The following FBH1 variants were observed in gnomAD, a reference collection of about 807,000 sequenced individuals.
The protein encoded by FBH1 is DNA 3'-5' helicase 1.
Under a neutral mutation model 115.5 loss-of-function variants are expected in FBH1, and 43 were observed. That is an observed-to-expected ratio of 0.37 (90% CI 0.29 to 0.48). The LOEUF is 0.48. Ranked by LOEUF, FBH1 falls within the 20% of genes least tolerant of loss-of-function variation. FBH1 has a pLI of 0.99. For synonymous variants in FBH1, 524 were observed against 507.8 expected, an observed-to-expected ratio of 1.03 and a Z score of -0.43; for missense variants, 1,001 against 1,337.3, an observed-to-expected ratio of 0.75 and a Z score of 3.92.
chr10:5,890,854 C>G (rs1284025846), intron 1 of FBH1, among the ~76,000 whole-genome samples: 3 of 152,164 alleles, frequency 2.0e-5, no homozygotes, highest in African/African-American at 7.2e-5. Context: ...GCTGGGCAGG[C>G]TGTGGGTGAT....
rs1224413330 is a variant in FBH1 at position 5,921,444 on chromosome 10, A to G, written c.2201-4A>G. 9.3e-6 allele frequency: 15 copies of G among 1,607,176 alleles called. No homozygotes were observed. The highest frequency in any genetic ancestry group is 1.3e-5 in the Non-Finnish European group (15 of 1,177,958). On this transcript the variant is annotated splice_polypyrimidine_tract_variant and splice_region_variant and intron_variant, in intron 14 of 20. Transcript: ENST00000362091. This position sits in a 1 kb window ranked among gnomAD's most constrained non-coding sequence, Gnocchi z 6.4. ...GCCATAGAGTTTGTGCTCTCTCCCT[A>G]AAGGTGGCATTAGAGGTGACGCAAA...
chr10:5,927,560 A>C lies in FBH1; in HGVS notation c.2829+19A>C. 6.3e-7 allele frequency: 1 copy of C among 1,593,274 alleles called. No homozygotes were observed. The highest frequency in any genetic ancestry group is 8.6e-7 in the Non-Finnish European group (1 of 1,163,304). ...GGCTGGGGTAAGCAGAACGGGCAGC[A>C]TGAGCTAACTTGATGCCATTGAATG... On this transcript the variant is annotated intron_variant, in intron 19 of 20. Transcript: ENST00000362091.
chr10:5,895,180 C>G lies in FBH1; in HGVS notation c.1+4834C>G, dbSNP rs770334474. Reference sequence around the variant, plus strand: ...CCCACTTGCTGGTCTTCACAGAGCACGCTGAAAGTAAGAGGCATGTGGGAA... The same window carrying G: ...CCCACTTGCTGGTCTTCACAGAGCAGGCTGAAAGTAAGAGGCATGTGGGAA... On this transcript the variant is annotated intron_variant, in intron 1 of 20. Transcript: ENST00000362091. The surrounding 1 kb of genome is among the most constrained non-coding windows in gnomAD (Gnocchi z 5.0). 5 of 1,612,212 alleles carry G rather than the reference C, an allele frequency of 3.1e-6. No individual in the cohort carries two copies. The highest frequency in any genetic ancestry group is 1.7e-6 in the Non-Finnish European group (2 of 1,178,950).
Position 5,910,895 on chromosome 10 carries a change from G to C in FBH1, c.1021-43G>C. The C allele has an allele frequency of 6.4e-7, 1 of 1,553,244 alleles. No individual in the cohort carries two copies. The highest frequency in any genetic ancestry group is 8.7e-7 in the Non-Finnish European group (1 of 1,145,370). On this transcript the variant is annotated intron_variant, in intron 5 of 20. Transcript: ENST00000362091. The surrounding 1 kb of genome is among the most constrained non-coding windows in gnomAD (Gnocchi z 4.8). Reference sequence around the variant, plus strand: ...TCCTGCTGTGATTCGTATTAACCATGGCCTGTGGGCTGTCCCTCCCTCCCT... The same window carrying C: ...TCCTGCTGTGATTCGTATTAACCATCGCCTGTGGGCTGTCCCTCCCTCCCT...
In FBH1 at chr10:5,906,705, A is replaced by T. The variant is rs968314531; in HGVS notation, c.753+73A>T. 8.0e-7 allele frequency: 1 copy of T among 1,248,252 alleles called. No homozygotes were observed. The highest frequency in any genetic ancestry group is 2.1e-5 in the Admixed American group (1 of 47,018). The allele number at this position is 1,248,252 out of a possible 1,614,324, so 77.3% of individuals were successfully genotyped here. A position where few individuals can be genotyped will look rare whatever the true frequency, so the allele number is the denominator to read the frequency against. On this transcript the variant is annotated intron_variant, in intron 3 of 20. Coordinates refer to ENST00000362091, the MANE Select transcript of FBH1 (RefSeq NM_178150.3). This position sits in a 1 kb window ranked among gnomAD's most constrained non-coding sequence, Gnocchi z 7.3. ...CTTTGCTTAATGCACGCTTATAATC[A>T]GAGGATCTTTTCAGAAATGGTTTCC...
intron 18 of FBH1, among the ~76,000 whole-genome samples, 162 bp from the exon 19 acceptor site, chr10:5,927,273 G>A (rs764095314): frequency 4.9e-4 from 74 of 152,192 alleles, no homozygotes; most frequent in Admixed American, 2.0e-3. Context: ...TTTGTTTTTG[G>A]AATTGGCATT....
In FBH1 at chr10:5,914,199, A is replaced by C; in HGVS notation, c.1326A>C (p.Thr442=). ...VWPGKKTIQL[T]HEQQLILNHK... ...ATAGCAAGAAAACCATCCAACTTAC[A>C]CATGAACAACAGCTGATTCTGAATC... Residue 442 remains threonine (T), a synonymous_variant, in exon 8 of 21, where the codon ACA becomes ACC. Transcript: ENST00000362091. The surrounding 1 kb of genome is among the most constrained non-coding windows in gnomAD (Gnocchi z 5.2). 6.2e-7 allele frequency: 1 copy of C among 1,614,240 alleles called. No individual in the cohort carries two copies. Among genetic ancestry groups the C allele is most frequent in the Non-Finnish European group, 8.5e-7 (1 of 1,180,036 alleles).
intron 15 of FBH1, among the ~76,000 whole-genome samples, chr10:5,922,820 G>A (rs567087049): frequency 1.3e-5 from 2 of 152,340 alleles, no homozygotes; most frequent in South Asian, 4.1e-4. Context: ...ACAGGGCACA[G>A]TCAGGCTGTC....
Position 5,918,199 on chromosome 10 carries a change from G to A in FBH1, c.1964-143G>A, listed in dbSNP as rs1832090951. The stretch of plus-strand genomic sequence containing the variant: ...CATTATAAAATGGCTGCTTTTGATG[G>A]AGTGTGCCTGTCCTACAGGAAAAGG... On this transcript the variant is annotated intron_variant, in intron 12 of 20. Transcript: ENST00000362091. This position sits in a 1 kb window ranked among gnomAD's most constrained non-coding sequence, Gnocchi z 4.0. The A allele has an allele frequency of 5.8e-6, 5 of 861,786 alleles. No individual in the cohort carries two copies. The highest frequency in any genetic ancestry group is 1.7e-5 in the South Asian group (1 of 59,670). The allele number at this position is 861,786 out of a possible 1,614,324, so 53.4% of individuals were successfully genotyped here.
At chr10:5,922,550 C>A (rs1832375922) in intron 15 of FBH1, among the ~76,000 whole-genome samples, 1 of 152,230 alleles carries the variant, frequency 6.6e-6, no homozygotes, top group Non-Finnish European at 1.5e-5. Flanking sequence ...AAGTGGTTCT[C>A]TACACCTCTC....
In FBH1 at chr10:5,910,248, C is replaced by T. The variant is rs1468109635; in HGVS notation, c.1021-690C>T. On this transcript the variant is annotated intron_variant, in intron 5 of 20. Transcript: ENST00000362091. This position sits in a 1 kb window ranked among gnomAD's most constrained non-coding sequence, Gnocchi z 4.8. ...GGTGAGCTGAGATCGCGCCACTGCACTCCAGCCTGTGTGACAGAGTCAGAC... is the reference window on the plus strand; with the variant it reads ...GGTGAGCTGAGATCGCGCCACTGCATTCCAGCCTGTGTGACAGAGTCAGAC... Among the ~76,000 whole-genome samples the T allele has an allele frequency of 6.6e-6, 1 of 151,500 alleles. No homozygotes were observed.
At position 5,913,702 on chromosome 10, in the gene FBH1, T is replaced by C; in HGVS notation, c.1212-45T>C. Reference sequence around the variant, plus strand: ...CTGAGGAAAAATAAGATGCAGATTGTGACTTGAATTTGAGACTTTCTAAAT... The same window carrying C: ...CTGAGGAAAAATAAGATGCAGATTGCGACTTGAATTTGAGACTTTCTAAAT... On this transcript the variant is annotated intron_variant, in intron 6 of 20. Transcript: ENST00000362091. The surrounding 1 kb of genome is among the most constrained non-coding windows in gnomAD (Gnocchi z 4.4). 1 of 1,361,452 alleles carries C rather than the reference T, an allele frequency of 7.3e-7. No homozygotes were observed. The highest frequency in any genetic ancestry group is 1.0e-6 in the Non-Finnish European group (1 of 999,614). 84.3% of individuals were successfully genotyped at this position (1,361,452 alleles called of 1,614,324 possible). A position where few individuals can be genotyped will look rare whatever the true frequency, so the allele number is the denominator to read the frequency against.
Position 5,916,312 on chromosome 10 carries a change from T to TGA in FBH1, c.1645_1646insAG (p.Gly549GlufsTer4). 1 of 1,614,108 alleles carries TGA rather than the reference T, an allele frequency of 6.2e-7. No individual in the cohort carries two copies. The highest frequency in any genetic ancestry group is 8.5e-7 in the Non-Finnish European group (1 of 1,180,014). ...ACTCCGTCCTTGCTGAAGGGAAGGG[T>TGA]GGATTCATAAGAGCCAAGCTTGTGT... On this transcript the variant is annotated frameshift_variant, in exon 10 of 21. Coordinates refer to ENST00000362091, the MANE Select transcript of FBH1 (RefSeq NM_178150.3). LOFTEE classifies it high-confidence loss of function.
chr10:5,935,069 C>G lies in FBH1; in HGVS notation c.2830-1387C>G, dbSNP rs1333173996. The G allele has an allele frequency of 1.3e-5, 2 of 152,180 alleles. No homozygotes were observed. Among genetic ancestry groups the G allele is most frequent in the African/African-American group, 4.8e-5 (2 of 41,434 alleles). 9.4% of individuals were successfully genotyped at this position (152,180 alleles called of 1,614,324 possible). A position where few individuals can be genotyped will look rare whatever the true frequency, so the allele number is the denominator to read the frequency against. On this transcript the variant is annotated intron_variant, in intron 19 of 20. Transcript: ENST00000362091. This position sits in a 1 kb window ranked among gnomAD's most constrained non-coding sequence, Gnocchi z 5.2. Reference sequence around the variant, plus strand: ...TAAAATCTAAAGAAATCAGAGAACACTGCATGTTAGGTTAAGTCATGTTTT... The same window carrying G: ...TAAAATCTAAAGAAATCAGAGAACAGTGCATGTTAGGTTAAGTCATGTTTT...
chr10:5,903,966 A>C (rs545785712), intron 2 of FBH1, among the ~76,000 whole-genome samples: 202 of 152,340 alleles, frequency 1.3e-3, no homozygotes, highest in Middle Eastern at 3.4e-3. Flanking sequence ...ACTATGTACC[A>C]AATGAATTCC....
chr10:5,918,716 T>A lies in FBH1; in HGVS notation c.2100+238T>A, dbSNP rs1435024110. On this transcript the variant is annotated intron_variant, in intron 13 of 20. Coordinates refer to ENST00000362091, the MANE Select transcript of FBH1 (RefSeq NM_178150.3). This position sits in a 1 kb window ranked among gnomAD's most constrained non-coding sequence, Gnocchi z 4.0. ...GGCTGAACTGTGAACCGATGGCTGC[T>A]GCCGCCTTGTACATTTGTGCTTAGA... Among the ~76,000 whole-genome samples, 3 of 152,238 alleles carry A rather than the reference T, an allele frequency of 2.0e-5. No individual in the cohort carries two copies. The highest frequency in any genetic ancestry group is 2.0e-4 in the Admixed American group (3 of 15,284).
chr10:5,909,467 C>T lies in FBH1; in HGVS notation c.1020+173C>T. 1.4e-6 allele frequency: 1 copy of T among 719,276 alleles called. No homozygotes were observed. Among genetic ancestry groups the T allele is most frequent in the African/African-American group, 1.8e-5 (1 of 56,298 alleles). The allele number at this position is 719,276 out of a possible 1,614,324, so 44.6% of individuals were successfully genotyped here. A position where few individuals can be genotyped will look rare whatever the true frequency, so the allele number is the denominator to read the frequency against. On this transcript the variant is annotated intron_variant, in intron 5 of 20. Coordinates refer to ENST00000362091, the MANE Select transcript of FBH1 (RefSeq NM_178150.3). This position sits in a 1 kb window ranked among gnomAD's most constrained non-coding sequence, Gnocchi z 4.4. ...TGTCCCCAGTGGAGAAATAAAAGGC[C>T]ATATAATTGTAGAGTCTTAGATGTA...
intron 19 of FBH1, among the ~76,000 whole-genome samples, chr10:5,930,917 T>G (rs893796406): frequency 4.7e-4 from 69 of 148,300 alleles, no homozygotes; most frequent in Non-Finnish European, 9.0e-4. Flanking sequence ...ACCTGGCTGG[T>G]TTTTTTTTTG....
chr10:5,926,180 G>C (rs752010184), intron 18 of FBH1, among the ~76,000 whole-genome samples: 2 of 152,090 alleles, frequency 1.3e-5, no homozygotes, highest in Non-Finnish European at 2.9e-5. Context: ...GAGTGCAGTG[G>C]CACGATCTCG....
Sources: allele counts gnomAD v4.1 joint callset (sites outside exome capture counted in the v4.1 genomes callset), GRCh38; gene constraint gnomAD v4.1.1; non-coding constraint Gnocchi (gnomAD v3.1); transcripts MANE v1.5; gene names NCBI Gene and HGNC (gene_info 2026-07-23, HGNC 2026-07-21).